The following NKIRAS1 variants were observed in gnomAD, a reference collection of about 807,000 sequenced individuals.
NKIRAS1 encodes NFKB inhibitor interacting Ras like 1.
A neutral mutation model predicts 19.8 loss-of-function variants in NKIRAS1; 16 were observed. The observed-to-expected ratio is 0.81, with a 90% CI of 0.55 to 1.23. NKIRAS1 has a LOEUF of 1.23. Ranked by LOEUF, NKIRAS1 falls within the 50% of genes most tolerant of loss-of-function variation. The probability of loss-of-function intolerance (pLI) is 0.00; values close to 1 mark genes in which losing one functional copy is unlikely to be tolerated. For missense variants in NKIRAS1, 184 were observed against 220.0 expected (o/e 0.84, Z 1.04); for synonymous variants, 88 against 79.0 (o/e 1.11, Z -0.61).
intron 3 of NKIRAS1, among the ~76,000 whole-genome samples, chr3:23,903,028 A>G (rs1702670452): frequency 6.6e-6 from 1 of 152,258 alleles, no homozygotes; most frequent in Non-Finnish European, 1.5e-5. Context: ...GGTTTCCCCA[A>G]TAAATGCCCC....
upstream of NKIRAS1, chr3:23,921,523 C>CG: frequency 1.5e-6 from 1 of 674,052 alleles, no homozygotes; most frequent in African/African-American, 1.8e-5. Flanking sequence ...ATTTGCTTTA[C>CG]TATTTCTATA....
At chr3:23,911,654 G>T (rs752031024) in intron 1 of NKIRAS1, among the ~76,000 whole-genome samples, 1 of 152,104 alleles carries the variant, frequency 6.6e-6, no homozygotes, top group South Asian at 2.1e-4. Context: ...ATTTAAGGAG[G>T]CATGAGGATA....
chr3:23,910,713 C>G (rs1442887768), intron 3 of NKIRAS1, 98 bp downstream of exon 3: 6 of 825,128 alleles, frequency 7.3e-6, no homozygotes, highest in Non-Finnish European at 1.2e-5. Flanking sequence ...TATACCTCCC[C>G]TTTATGTACC....
chr3:23,936,771 C>T (rs981211676), intron 1 of NKIRAS1, among the ~76,000 whole-genome samples: 1 of 152,214 alleles, frequency 6.6e-6, no homozygotes, highest in African/African-American at 2.4e-5. Context: ...TGGTCTCGAT[C>T]TCCTGACCTT....
chr3:23,910,273 TCACCCCCTCAAGTAGCAGGATTACAGC>T (rs1451074963), intron 3 of NKIRAS1, among the ~76,000 whole-genome samples: 4 of 149,808 alleles, frequency 2.7e-5, no homozygotes, highest in Non-Finnish European at 5.9e-5. Context: ...TTCTCCTGCC[TCACCCCCTCAAGTAGCAGGATTACAGC>T]CACCTGCTAC....
At chr3:23,919,123 A>T, upstream of NKIRAS1, 3 of 1,018,784 alleles carry the variant, frequency 2.9e-6, no homozygotes, top group South Asian at 4.1e-5. Flanking sequence ...TAGAGTTGAG[A>T]ATTAAAATTC....
chr3:23,919,680 T>C, upstream of NKIRAS1: 1 of 1,394,572 alleles, frequency 7.2e-7, no homozygotes, highest in Non-Finnish European at 9.3e-7. Context: ...ATCTTGTTTC[T>C]AATAAGATAA....
intron 1 of NKIRAS1, among the ~76,000 whole-genome samples, chr3:23,930,620 A>G (rs1417237797): frequency 6.6e-6 from 1 of 152,172 alleles, no homozygotes; most frequent in African/African-American, 2.4e-5. Context: ...ATCTATATAT[A>G]TAATTTCATA....
intron 1 of NKIRAS1, among the ~76,000 whole-genome samples, chr3:23,944,950 C>T (rs2125274423): frequency 6.6e-6 from 1 of 151,876 alleles, no homozygotes; most frequent in South Asian, 2.1e-4. Flanking sequence ...CTAAGAGCCA[C>T]CAGGTTGGGG....
upstream of NKIRAS1, chr3:23,917,605 G>T: frequency 2.2e-6 from 1 of 446,644 alleles, no homozygotes. Context: ...GCTCAGTTCT[G>T]GTTCTGTTAA....
intron 4 of NKIRAS1, among the ~76,000 whole-genome samples, chr3:23,899,370 A>C (rs551335306): frequency 6.6e-6 from 1 of 152,256 alleles, no homozygotes; most frequent in Non-Finnish European, 1.5e-5. Flanking sequence ...ATGTGACTCT[A>C]TAATTGTCTC....
chr3:23,905,431 G>A (rs1202704257), intron 3 of NKIRAS1, among the ~76,000 whole-genome samples: 1 of 151,474 alleles, frequency 6.6e-6, no homozygotes, highest in East Asian at 1.9e-4. Flanking sequence ...AATTCCGAAA[G>A]TATATTATTT....
At chr3:23,916,364 A>G (rs1318888125) in intron 1 of NKIRAS1, 1 of 152,186 alleles carries the variant, frequency 6.6e-6, no homozygotes, top group Non-Finnish European at 1.5e-5. Context: ...TTCTTCTCTA[A>G]AACATTCACA....
intron 1 of NKIRAS1, among the ~76,000 whole-genome samples, chr3:23,938,814 C>A (rs917599479): frequency 6.6e-6 from 1 of 152,158 alleles, no homozygotes; most frequent in Non-Finnish European, 1.5e-5. Context: ...CCATGGAACA[C>A]CTGCATTGGA....
intron 4 of NKIRAS1, 42 bp downstream of exon 4, chr3:23,900,766 G>C: frequency 1.3e-6 from 2 of 1,507,928 alleles, no homozygotes; most frequent in Middle Eastern, 1.7e-4. Context: ...AATTTAAATG[G>C]TATTATAATT....
chr3:23,911,484 G>C (rs1242579693), intron 1 of NKIRAS1, 34 bp from the exon 2 acceptor site: 2 of 153,148 alleles, frequency 1.3e-5, no homozygotes, highest in Non-Finnish European at 1.5e-5. Context: ...CACATGGATA[G>C]GTATGAATAC....
intron 3 of NKIRAS1, among the ~76,000 whole-genome samples, chr3:23,902,022 C>T (rs1377822537): frequency 2.0e-5 from 3 of 151,896 alleles, no homozygotes; most frequent in Non-Finnish European, 4.4e-5. Context: ...TGCAGTGAGC[C>T]GAGATCATGC....
At chr3:23,938,209 C>CT (rs11418287) in intron 1 of NKIRAS1, among the ~76,000 whole-genome samples, 48,714 of 137,434 alleles carry the variant, frequency 0.35, 9,151 homozygotes, top group Middle Eastern at 0.46. Flanking sequence ...AGTACAGTAC[C>CT]TTTTTTTTTT....
Position 23,889,991 on chromosome 3 carries a change from A to T in NKIRAS1, c.*3104T>A, listed in dbSNP as rs1236609824. Among the ~76,000 whole-genome samples the T allele has an allele frequency of 6.6e-6, 1 of 152,182 alleles. No individual in the cohort carries two copies. Among genetic ancestry groups the T allele is most frequent in the Non-Finnish European group, 1.5e-5 (1 of 68,030 alleles). On this transcript the variant is annotated 3_prime_UTR_variant, in exon 5 of 5. Transcript: ENST00000425478. The stretch of plus-strand genomic sequence containing the variant: ...AAATATAAATTTATTAAAGATCCTA[A>T]GATTCAGAGAAATACTATACTTAAT...
Sources: allele counts gnomAD v4.1 joint callset (sites outside exome capture counted in the v4.1 genomes callset), GRCh38; gene constraint gnomAD v4.1.1; transcripts MANE v1.5; gene names NCBI Gene and HGNC (gene_info 2026-07-23, HGNC 2026-07-21).